Variants in ATIC observed in about 807,000 individuals in gnomAD.
ATIC encodes the protein bifunctional purine biosynthesis protein ATIC.
A neutral mutation model predicts 72.5 loss-of-function variants in ATIC; 64 were observed. The observed-to-expected ratio is 0.88, with a 90% confidence interval of 0.72 to 1.09. The LOEUF (loss-of-function observed/expected upper bound fraction) is 1.09. Among genes scored for constraint, ATIC ranks in the 50% least tolerant of loss-of-function variants. The probability of loss-of-function intolerance (pLI) is 0.00; values close to 1 mark genes in which losing one functional copy is unlikely to be tolerated. For synonymous variants in ATIC, 281 were observed against 267.1 expected (o/e 1.05, Z -0.51); for missense variants, 787 against 732.4 (o/e 1.07, Z -0.86).
At chr2:215,335,973 A>AT (rs746498678) in intron 10 of ATIC, 62 bp from the exon 11 acceptor site, 6 of 1,341,516 alleles carry the variant, frequency 4.5e-6, no homozygotes, top group Admixed American at 3.5e-5. Flanking sequence ...TTGCTGCTAG[A>AT]TTTTTTTAAG....
chr2:215,332,298 G>GTCA, intron 7 of ATIC, 84 bp from the exon 8 acceptor site: 3 of 1,559,374 alleles, frequency 1.9e-6, no homozygotes, highest in East Asian at 2.2e-5. Context: ...CATTTGTTTA[G>GTCA]TCATGTTATT....
the ATIC span, chr2:215,361,545 G>T: frequency 8.8e-6 from 14 of 1,586,622 alleles, no homozygotes; most frequent in Non-Finnish European, 1.2e-5. Context: ...CTCTGGATTG[G>T]AAAGATGATT....
intron 7 of ATIC, among the ~76,000 whole-genome samples, chr2:215,330,362 T>G (rs2052877623): frequency 6.6e-6 from 1 of 152,192 alleles, no homozygotes; most frequent in African/African-American, 2.4e-5. Context: ...GGGCTTTATT[T>G]TTTTAGAGTA....
At chr2:215,330,712 CTTTTTTT>C (rs111990936) in intron 7 of ATIC, among the ~76,000 whole-genome samples, 4 of 140,880 alleles carry the variant, frequency 2.8e-5, no homozygotes, top group South Asian at 2.2e-4. Flanking sequence ...TTTCTCTTTT[CTTTTTTT>C]TTTTTTTGGA....
the ATIC span, chr2:215,362,289 C>G: frequency 1.3e-4 from 76 of 569,962 alleles, no homozygotes; most frequent in Non-Finnish European, 1.8e-4. Flanking sequence ...ACATCTGTCT[C>G]TCTATGTTGT....
chr2:215,347,301 C>T (rs2053081866), intron 14 of ATIC: 4 of 380,168 alleles, frequency 1.1e-5, no homozygotes, highest in Non-Finnish European at 1.5e-5. Flanking sequence ...GCTTGCTGTC[C>T]GATGGGTCTG....
In ATIC at chr2:215,318,980, A is replaced by G. The variant is rs529074078; in HGVS notation, c.224-685A>G. 4.8e-3 allele frequency among the ~76,000 whole-genome samples: 722 copies of G among 151,692 alleles called. 8 individuals are homozygous for G. The highest frequency in any genetic ancestry group is 6.6e-3 in the Non-Finnish European group (446 of 67,946). On this transcript the variant is annotated intron_variant, in intron 3 of 15. Coordinates refer to ENST00000236959, the MANE Select transcript of ATIC (RefSeq NM_004044.7). ...CAGCCTCTGTCTGCTTCCCAGGCTC[A>G]AGCAGTTCTCCCACCTCAGCCTCCC...
At chr2:215,331,419 G>T (rs2052893429) in intron 7 of ATIC, among the ~76,000 whole-genome samples, 1 of 120,908 alleles carries the variant, frequency 8.3e-6, no homozygotes. Flanking sequence ...TCTCGCTCTT[G>T]TTGGCCAGGC....
chr2:215,336,149 G>A (rs900868465), intron 11 of ATIC, 25 bp downstream of exon 11: 70 of 1,531,770 alleles, frequency 4.6e-5, no homozygotes, highest in African/African-American at 6.8e-5. Context: ...TGTTTGAAGC[G>A]GTAATTTGCT....
At chr2:215,318,005 A>C in intron 2 of ATIC, 152 bp from the exon 3 acceptor site, 1 of 697,754 alleles carries the variant, frequency 1.4e-6, no homozygotes, top group Non-Finnish European at 2.5e-6. Flanking sequence ...TTTACTTAAG[A>C]AATAAAATAT....
downstream of ATIC, among the ~76,000 whole-genome samples, chr2:215,352,566 A>AGC (rs1399220849): frequency 6.7e-6 from 1 of 148,924 alleles, no homozygotes; most frequent in Non-Finnish European, 1.5e-5. Context: ...TGGGCAACAG[A>AGC]GCAAGACTCC....
rs749985833 is a variant in ATIC, at chr2:215,325,210, A to G, written c.291-31A>G. The G allele has an allele frequency of 7.6e-6, 12 of 1,570,350 alleles. No individual in the cohort carries two copies. In the Admixed American group the frequency reaches 1.2e-4, roughly 15 times the overall value. Reference sequence around the variant, plus strand: ...TGTAAACCACATGAGTGGACTTTTTAATGACAGCCAGATTCGTCTTTGTTT... The same window carrying G: ...TGTAAACCACATGAGTGGACTTTTTGATGACAGCCAGATTCGTCTTTGTTT... On this transcript the variant is annotated intron_variant, in intron 4 of 15. Coordinates refer to ENST00000236959, the MANE Select transcript of ATIC (RefSeq NM_004044.7).
At chr2:215,327,953 A>G (rs1427694112) in intron 7 of ATIC, among the ~76,000 whole-genome samples, 1 of 150,570 alleles carries the variant, frequency 6.6e-6, no homozygotes, top group Non-Finnish European at 1.5e-5. Flanking sequence ...GCTGGAGTGC[A>G]GTGGCGCAAT....
rs1559280461 is a variant in ATIC, at chr2:215,346,881, AG to A, written c.1444del (p.Val482Ter). 6.2e-7 allele frequency: 1 copy of A among 1,614,188 alleles called. No individual in the cohort carries two copies. The highest frequency in any genetic ancestry group is 2.2e-5 in the East Asian group (1 of 44,886). On this transcript the variant is annotated frameshift_variant, in exon 14 of 16. Transcript: ENST00000236959. LOFTEE classifies it high-confidence loss of function. Reference protein sequence around the residue: ...QVLSMKFKTGVKRAEISNAID... With the variant: ...QVLSMKFKTGXKRAEISNAID... ...TGCTTTCGATGAAGTTTAAAACAGG[AG>A]TGAAGAGAGCAGAAATCTCCAATGC...
In ATIC at chr2:215,326,924, C is replaced by T. The variant is rs772850874; in HGVS notation, c.634C>T (p.Pro212Ser). Residue 212 changes from proline to serine, a missense_variant, in exon 7 of 16, where the codon CCA becomes TCA. Physicochemically the swap from Pro to Ser is moderately conservative, Grantham distance 74. Coordinates refer to ENST00000236959, the MANE Select transcript of ATIC (RefSeq NM_004044.7). ...SQMPLRYGMN[P>S]HQTPAQLYTL... is the part of the protein sequence containing the mutation. ...GATGCCCTTGAGATATGGAATGAAC[C>T]CACATCAGACCCCTGCCCAGCTGTA... 2 of 1,614,082 alleles carry T rather than the reference C, an allele frequency of 1.2e-6. No individual in the cohort carries two copies. The highest frequency in any genetic ancestry group is 1.1e-5 in the South Asian group (1 of 91,074).
intron 12 of ATIC, among the ~76,000 whole-genome samples, chr2:215,343,831 T>G (rs1412404897): frequency 6.6e-6 from 1 of 152,226 alleles, no homozygotes; most frequent in Non-Finnish European, 1.5e-5. Context: ...GCAAATATCC[T>G]CTGTCCATTT....
In ATIC at chr2:215,344,656, C is replaced by A. The variant is rs138746111; in HGVS notation, c.1228-123C>A. On this transcript the variant is annotated intron_variant, in intron 12 of 15. Coordinates refer to ENST00000236959, the MANE Select transcript of ATIC (RefSeq NM_004044.7). ...TGCCGTTGGAGATTGTCCCATTGTG[C>A]CTGGGAGACAGAGTGAGACTCTGAC... is the stretch of plus-strand genomic sequence containing the variant. The A allele has an allele frequency of 5.9e-4, 526 of 897,086 alleles. No individual in the cohort carries two copies. In the African/African-American group the frequency reaches 7.8e-3, roughly 13 times the overall value. 55.6% of individuals were successfully genotyped at this position (897,086 alleles called of 1,614,324 possible).
chr2:215,318,092 C>G lies in ATIC; in HGVS notation c.147-65C>G, dbSNP rs916004994. Reference sequence around the variant, plus strand: ...TCTCTTGAAATGAAAACAGTAGATGCTTTGAATAGTGAAAATTACAATTCA... The same window carrying G: ...TCTCTTGAAATGAAAACAGTAGATGGTTTGAATAGTGAAAATTACAATTCA... On this transcript the variant is annotated intron_variant, in intron 2 of 15. Coordinates refer to ENST00000236959, the MANE Select transcript of ATIC (RefSeq NM_004044.7). 16 of 1,403,034 alleles carry G rather than the reference C, an allele frequency of 1.1e-5. No individual in the cohort carries two copies. In the Admixed American group the frequency reaches 2.7e-4, roughly 24 times the overall value. The allele number at this position is 1,403,034 out of a possible 1,614,324, so 86.9% of individuals were successfully genotyped here. A position where few individuals can be genotyped will look rare whatever the true frequency, so the allele number is the denominator to read the frequency against.
intron 7 of ATIC, among the ~76,000 whole-genome samples, chr2:215,329,104 C>T (rs996028444): frequency 2.6e-5 from 4 of 152,198 alleles, no homozygotes; most frequent in Non-Finnish European, 5.9e-5. Flanking sequence ...GGCACATTCC[C>T]TAAATGTTTA....
Sources: allele counts gnomAD v4.1 joint callset (sites outside exome capture counted in the v4.1 genomes callset), GRCh38; gene constraint gnomAD v4.1.1; transcripts MANE v1.5; gene names NCBI Gene and HGNC (gene_info 2026-07-23, HGNC 2026-07-21).